The following ATXN2 variants were observed in gnomAD, a reference collection of about 807,000 sequenced individuals.
The protein encoded by ATXN2 is ataxin-2.
Under a neutral mutation model 138.6 loss-of-function variants are expected in ATXN2, and 37 were observed. That is an observed-to-expected ratio of 0.27 (90% CI 0.21 to 0.35). The LOEUF (loss-of-function observed/expected upper bound fraction) is 0.35. Among genes scored for constraint, ATXN2 ranks in the 10% least tolerant of loss-of-function variants. ATXN2 has a pLI of 1.00. For missense variants in ATXN2, 1,216 were observed against 1,480.3 expected, an observed-to-expected ratio of 0.82 and a Z score of 2.93; for synonymous variants, 549 against 543.7, an observed-to-expected ratio of 1.01 and a Z score of -0.13.
In ATXN2 at chr12:111,581,831, G is replaced by A. The variant is rs1203531061; in HGVS notation, c.251+16953C>T. 1.3e-5 allele frequency: 5 copies of A among 389,356 alleles called. No homozygotes were observed. In the East Asian group the frequency reaches 2.6e-4, roughly 21 times the overall value. 24.1% of individuals were successfully genotyped at this position (389,356 alleles called of 1,614,324 possible). Reference sequence around the variant, plus strand: ...GCTCTGCCCGTGATCTGATTCCCATGTACTCCATCCACCCTCCATTCCTCG... The same window carrying A: ...GCTCTGCCCGTGATCTGATTCCCATATACTCCATCCACCCTCCATTCCTCG... On this transcript the variant is annotated intron_variant, in intron 1 of 24. Transcript: ENST00000673436.
At position 111,454,920 on chromosome 12, in the gene ATXN2, C is replaced by A. The variant is rs895429553; in HGVS notation, c.3271-1075G>T. The A allele has an allele frequency of 1.9e-5, 12 of 644,772 alleles. No individual in the cohort carries two copies. In the Admixed American group the frequency reaches 2.3e-4, roughly 12 times the overall value. 39.9% of individuals were successfully genotyped at this position (644,772 alleles called of 1,614,324 possible). A position where few individuals can be genotyped will look rare whatever the true frequency, so the allele number is the denominator to read the frequency against. On this transcript the variant is annotated intron_variant, in intron 23 of 24. Transcript: ENST00000673436. The stretch of plus-strand genomic sequence containing the variant: ...CTCCACCAAACCACGCTGGCCCACA[C>A]GGACCAAACCGGCTTCCCTCCCCAC...
At chr12:111,498,527 T>G (rs1055640653) in intron 14 of ATXN2, among the ~76,000 whole-genome samples, 1 of 152,138 alleles carries the variant, frequency 6.6e-6, no homozygotes, top group Non-Finnish European at 1.5e-5. Context: ...GAGTAAAAGA[T>G]TTCTATAATG....
intron 1 of ATXN2, among the ~76,000 whole-genome samples, chr12:111,589,936 C>T (rs1051138508): frequency 1.3e-5 from 2 of 151,890 alleles, no homozygotes; most frequent in South Asian, 2.1e-4. Context: ...TAAGGCGAGG[C>T]GCAGTGGCTC....
intron 1 of ATXN2, among the ~76,000 whole-genome samples, chr12:111,569,619 G>A (rs1000240670): frequency 6.6e-6 from 1 of 152,142 alleles, no homozygotes; most frequent in Non-Finnish European, 1.5e-5. Context: ...TGGGAGCTGA[G>A]GTGGGAGGAT....
In ATXN2 at chr12:111,456,272, A is replaced by C. The variant is rs369730568; in HGVS notation, c.3043-16T>G. On this transcript the variant is annotated splice_polypyrimidine_tract_variant and intron_variant, in intron 22 of 24. Transcript: ENST00000673436. ...GCTGATGGTGCTGCAAAGCGACAGG[A>C]AAGAATTGAGAGGAAAACTTCTTTA... 4 of 1,613,760 alleles carry C rather than the reference A, an allele frequency of 2.5e-6. No individual in the cohort carries two copies. Among genetic ancestry groups the C allele is most frequent in the East Asian group, 2.2e-5 (1 of 44,886 alleles).
At chr12:111,485,952 A>G (rs1281094674) in intron 16 of ATXN2, 87 bp from the exon 17 acceptor site, 22 of 1,351,672 alleles carry the variant, frequency 1.6e-5, no homozygotes, top group Non-Finnish European at 2.0e-5. Context: ...CAGTCTTTCT[A>G]ATTTTACTTG....
chr12:111,553,600 A>AT lies in ATXN2; in HGVS notation c.348+557_348+558insA, dbSNP rs1277301696. ...AAAAAAAAAAAAAAAAAAAAAAAAA[A>AT]AAAATTTTTTTTTTTGAGAAGGGGT... On this transcript the variant is annotated intron_variant, in intron 3 of 24. Coordinates refer to ENST00000673436, the MANE Select transcript of ATXN2 (RefSeq NM_001372574.1). 2.0e-4 allele frequency among the ~76,000 whole-genome samples: 17 copies of AT among 86,394 alleles called. 2 individuals carry two copies. In the African/African-American group the frequency reaches 2.7e-3, roughly 14 times the overall value. The allele number at this position is 86,394 out of a possible 152,430, so 56.7% of individuals were successfully genotyped here.
At chr12:111,589,852 G>A (rs1030155476) in intron 1 of ATXN2, among the ~76,000 whole-genome samples, 12 of 152,006 alleles carry the variant, frequency 7.9e-5, no homozygotes, top group African/African-American at 2.2e-4. Context: ...CTGAGAACTC[G>A]AGGTTGCAAT....
At position 111,466,097 on chromosome 12, in the gene ATXN2, C is replaced by T. The variant is rs1183330872; in HGVS notation, c.2843-1382G>A. Among the ~76,000 whole-genome samples the T allele has an allele frequency of 5.3e-5, 8 of 150,998 alleles. No individual in the cohort carries two copies. The South Asian group carries it at 6.3e-4, about 12-fold the overall frequency. ...AGGAGAACTGCTTGAACCCAGGAGGCGGAGTTTGCAGGGAGCTGAGATCGC... is the reference window on the plus strand; with the variant it reads ...AGGAGAACTGCTTGAACCCAGGAGGTGGAGTTTGCAGGGAGCTGAGATCGC... On this transcript the variant is annotated intron_variant, in intron 20 of 24. Coordinates refer to ENST00000673436, the MANE Select transcript of ATXN2 (RefSeq NM_001372574.1).
Position 111,454,000 on chromosome 12 carries a change from A to T in ATXN2, c.3271-155T>A. On this transcript the variant is annotated intron_variant, in intron 23 of 24. Coordinates refer to ENST00000673436, the MANE Select transcript of ATXN2 (RefSeq NM_001372574.1). This position sits in a 1 kb window ranked among gnomAD's most constrained non-coding sequence, Gnocchi z 5.4. Reference sequence around the variant, plus strand: ...CTCTGGGGACAATCTCTAGTAGATTATCTATTGACCTGAAGACGCGCTTCA... The same window carrying T: ...CTCTGGGGACAATCTCTAGTAGATTTTCTATTGACCTGAAGACGCGCTTCA... The T allele has an allele frequency of 1.4e-6, 1 of 726,160 alleles. No individual in the cohort carries two copies. The highest frequency in any genetic ancestry group is 2.2e-6 in the Non-Finnish European group (1 of 457,042). 45.0% of individuals were successfully genotyped at this position (726,160 alleles called of 1,614,324 possible). A position where few individuals can be genotyped will look rare whatever the true frequency, so the allele number is the denominator to read the frequency against.
chr12:111,488,765 T>C lies in ATXN2; in HGVS notation c.1951A>G (p.Thr651Ala). 2 of 1,606,242 alleles carry C rather than the reference T, an allele frequency of 1.2e-6. No individual in the cohort carries two copies. The highest frequency in any genetic ancestry group is 1.3e-5 in the African/African-American group (1 of 74,926). Residue 651 changes from threonine to alanine, a missense_variant, in exon 15 of 25, where the codon ACT becomes GCT. Coordinates refer to ENST00000673436, the MANE Select transcript of ATXN2 (RefSeq NM_001372574.1). ...KNDFRLQPSS[T>A]SESMDQLLNK... ...AGTAGTTGATCCATAGATTCAGAAG[T>C]AGAACTTGGCTGTAACTAAATAAAG...
chr12:111,477,362 G>GA (rs990936411), intron 18 of ATXN2, among the ~76,000 whole-genome samples: 5 of 151,138 alleles, frequency 3.3e-5, no homozygotes, highest in East Asian at 1.9e-4. Flanking sequence ...TTCAAGAACA[G>GA]AAAAAAAATA....
Position 111,485,695 on chromosome 12 carries a change from T to C in ATXN2, c.2457+18A>G, listed in dbSNP as rs760353735. ...AACAATTGGGGAGGCTAAGTGAACATCAAATTCTATGACTTACTTGCACGC... is the reference window on the plus strand; with the variant it reads ...AACAATTGGGGAGGCTAAGTGAACACCAAATTCTATGACTTACTTGCACGC... On this transcript the variant is annotated intron_variant, in intron 17 of 24. Coordinates refer to ENST00000673436, the MANE Select transcript of ATXN2 (RefSeq NM_001372574.1). The C allele has an allele frequency of 1.5e-5, 25 of 1,612,968 alleles. No homozygotes were observed. The highest frequency in any genetic ancestry group is 2.0e-5 in the Non-Finnish European group (24 of 1,179,312).
At position 111,509,939 on chromosome 12, in the gene ATXN2, T is replaced by C; in HGVS notation, c.1816A>G (p.Ile606Val). The change falls in exon 13 of 25, where the codon ATT becomes GTT. Residue 606 changes from isoleucine (I) to valine (V), a missense_variant. Ile to Val is a conservative substitution (Grantham distance 29). Coordinates refer to ENST00000673436, the MANE Select transcript of ATXN2 (RefSeq NM_001372574.1). ...CTAGGTGATGTTTCATTGGGTTTAA[T>C]ATTTTCTTTATTCCCTGCAGGAGAG... ...QNSPAGNKEN[I>V]KPNETSPSFS... The C allele has an allele frequency of 6.2e-7, 1 of 1,613,390 alleles. No homozygotes were observed. The highest frequency in any genetic ancestry group is 8.5e-7 in the Non-Finnish European group (1 of 1,179,696).
At position 111,465,724 on chromosome 12, in the gene ATXN2, C is replaced by T. The variant is rs944636407; in HGVS notation, c.2843-1009G>A. Among the ~76,000 whole-genome samples, 6 of 134,976 alleles carry T rather than the reference C, an allele frequency of 4.4e-5. No homozygotes were observed. The South Asian group carries it at 6.9e-4, about 16-fold the overall frequency. 88.5% of individuals were successfully genotyped at this position (134,976 alleles called of 152,430 possible). On this transcript the variant is annotated intron_variant, in intron 20 of 24. Coordinates refer to ENST00000673436, the MANE Select transcript of ATXN2 (RefSeq NM_001372574.1). ...GGCAGATGTTGCAGTGAGCTGAGAT[C>T]GCACCGCTGCACTTCAGAATGGGTG...
chr12:111,598,966 C>A lies in ATXN2; in HGVS notation c.69G>T (p.Gln23His). 1 of 1,503,032 alleles carries A rather than the reference C, an allele frequency of 6.7e-7. No homozygotes were observed. Among genetic ancestry groups the A allele is most frequent in the Non-Finnish European group, 8.9e-7 (1 of 1,129,100 alleles). The allele number at this position is 1,503,032 out of a possible 1,614,324, so 93.1% of individuals were successfully genotyped here. Residue 23 changes from glutamine to histidine, a missense_variant, in exon 1 of 25, where the codon CAG (glutamine) becomes CAT (histidine). By Grantham distance (24) the Gln-to-His change is conservative (BLOSUM62 0). Coordinates refer to ENST00000673436, the MANE Select transcript of ATXN2 (RefSeq NM_001372574.1). The surrounding 1 kb of genome is among the most constrained non-coding windows in gnomAD (Gnocchi z 4.5). ...QQQQQQQQQQ[Q>H]QQQQQPPPAA... ...CGGGCGGCGGCTGCTGCTGCTGCTGCTGCTGCTGCTGTTGCTGCTGCTGCT... is the reference window on the plus strand; with the variant it reads ...CGGGCGGCGGCTGCTGCTGCTGCTGATGCTGCTGCTGTTGCTGCTGCTGCT...
In ATXN2 at chr12:111,598,952, T is replaced by TGCGGCG. The variant is rs1486342624; in HGVS notation, c.82_83insCGCCGC (p.Gln27_Gln28insProPro). ...GACATTGGCAGCCGCGGGCGGCGGC[T>TGCGGCG]GCTGCTGCTGCTGCTGCTGCTGCTG... is the stretch of plus-strand genomic sequence containing the variant. On this transcript the variant is annotated inframe_insertion, in exon 1 of 25. Coordinates refer to ENST00000673436, the MANE Select transcript of ATXN2 (RefSeq NM_001372574.1). The surrounding 1 kb of genome is among the most constrained non-coding windows in gnomAD (Gnocchi z 4.5). 8.1e-4 allele frequency: 21 copies of TGCGGCG among 25,922 alleles called. 1 individual carries two copies. In the East Asian group the frequency reaches 0.071, roughly 88 times the overall value. The allele number at this position is 25,922 out of a possible 1,614,324, so 1.6% of individuals were successfully genotyped here.
chr12:111,580,881 C>T (rs1032457201), intron 1 of ATXN2, among the ~76,000 whole-genome samples: 3 of 152,010 alleles, frequency 2.0e-5, no homozygotes, highest in Admixed American at 6.6e-5. Flanking sequence ...TGGCTCATGC[C>T]TATAATCCCA....
At chr12:111,554,254 A>G in intron 2 of ATXN2, 37 bp from the exon 3 acceptor site, 1 of 1,286,044 alleles carries the variant, frequency 7.8e-7, no homozygotes. Flanking sequence ...ATTAGAAATT[A>G]GTACAAACTG....
Sources: allele counts gnomAD v4.1 joint callset (sites outside exome capture counted in the v4.1 genomes callset), GRCh38; gene constraint gnomAD v4.1.1; non-coding constraint Gnocchi (gnomAD v3.1); transcripts MANE v1.5; gene names NCBI Gene and HGNC (gene_info 2026-07-23, HGNC 2026-07-21).